PTPRT: variants seen among roughly 807,000 people sequenced by gnomAD.
PTPRT encodes the protein receptor-type tyrosine-protein phosphatase T.
Under a neutral mutation model 176.8 loss-of-function variants are expected in PTPRT, and 56 were observed. That is an observed-to-expected ratio of 0.32 (90% confidence interval 0.26 to 0.40). PTPRT has a LOEUF of 0.40. Ranked by LOEUF, PTPRT falls within the 10% of genes least tolerant of loss-of-function variation. The probability of loss-of-function intolerance (pLI) is 1.00; values close to 1 mark genes in which losing one functional copy is unlikely to be tolerated. For synonymous variants in PTPRT, 783 were observed against 739.0 expected (o/e 1.06, Z -0.96); for missense variants, 1,540 against 1,908.2 (o/e 0.81, Z 3.60).
chr20:42,916,564 A>G (rs559225016), intron 1 of PTPRT, among the ~76,000 whole-genome samples: 1 of 152,342 alleles, frequency 6.6e-6, no homozygotes, highest in South Asian at 2.1e-4. Context: ...TGGTTAAACT[A>G]GTTTACAGTC....
At chr20:42,802,820 T>C (rs2145589876) in intron 2 of PTPRT, among the ~76,000 whole-genome samples, 1 of 152,348 alleles carries the variant, frequency 6.6e-6, no homozygotes, top group Middle Eastern at 3.4e-3. Context: ...CCCAGCTCTG[T>C]CAGCTCTCAG....
At chr20:43,046,006 A>C (rs753837383) in intron 1 of PTPRT, among the ~76,000 whole-genome samples, 6 of 152,160 alleles carry the variant, frequency 3.9e-5, no homozygotes, top group Admixed American at 1.3e-4. Context: ...AGTGAATGCA[A>C]AGGCCAAGAA....
At chr20:42,102,657 G>C (rs1986059678) in intron 25 of PTPRT, among the ~76,000 whole-genome samples, 1 of 152,192 alleles carries the variant, frequency 6.6e-6, no homozygotes, top group African/African-American at 2.4e-5. Context: ...AGAGGGGTGG[G>C]GGTAGGGAAT....
At chr20:42,113,184 AG>A (rs1987096486) in intron 22 of PTPRT, among the ~76,000 whole-genome samples, 1 of 152,198 alleles carries the variant, frequency 6.6e-6, no homozygotes, top group South Asian at 2.1e-4. Flanking sequence ...GGGTCTTTTA[AG>A]GGCATCTCCC....
chr20:42,708,144 T>A (rs2076089094), intron 6 of PTPRT, among the ~76,000 whole-genome samples: 1 of 152,214 alleles, frequency 6.6e-6, no homozygotes, highest in Admixed American at 6.5e-5. Context: ...TCTCTTCTGA[T>A]GGTATCTATG....
chr20:42,462,684 T>C (rs2071040519), intron 8 of PTPRT, among the ~76,000 whole-genome samples: 1 of 152,174 alleles, frequency 6.6e-6, no homozygotes, highest in Non-Finnish European at 1.5e-5. Flanking sequence ...AAGTGGCCTT[T>C]TGCCCAGGGC....
chr20:42,993,560 A>ATG lies in PTPRT; in HGVS notation c.89-107630_89-107629dup, dbSNP rs1404968167. 6.4e-5 allele frequency among the ~76,000 whole-genome samples: 9 copies of ATG among 140,006 alleles called. 1 individual carries two copies. Among genetic ancestry groups the ATG allele is most frequent in the Non-Finnish European group, 7.6e-5 (5 of 65,780 alleles). The allele number at this position is 140,006 out of a possible 152,430, so 91.8% of individuals were successfully genotyped here. A position where few individuals can be genotyped will look rare whatever the true frequency, so the allele number is the denominator to read the frequency against. ...TGTGTGTGTATATATATACACATATATGTGTGTGTATATATATACAATCTG... is the reference window on the plus strand; with the variant it reads ...TGTGTGTGTATATATATACACATATATGTGTGTGTGTATATATATACAATCTG... On this transcript the variant is annotated intron_variant, in intron 1 of 30. Transcript: ENST00000373187.
chr20:42,499,488 C>T (rs1395369692), intron 7 of PTPRT, among the ~76,000 whole-genome samples: 1 of 151,988 alleles, frequency 6.6e-6, no homozygotes, highest in Admixed American at 6.6e-5. Context: ...GACGCAGTTT[C>T]ACCATGTTGG....
At chr20:42,651,612 A>T (rs1014758868) in intron 7 of PTPRT, among the ~76,000 whole-genome samples, 1 of 152,106 alleles carries the variant, frequency 6.6e-6, no homozygotes, top group African/African-American at 2.4e-5. Context: ...GAACATTACT[A>T]ATGATATTCA....
chr20:42,314,520 C>A (rs2057685731), intron 12 of PTPRT, among the ~76,000 whole-genome samples: 2 of 102,856 alleles, frequency 1.9e-5, no homozygotes, highest in South Asian at 6.2e-4. Flanking sequence ...CAGAGTGAGA[C>A]TGTGTCAAAA....
chr20:42,833,559 G>C (rs1430827558), intron 2 of PTPRT, among the ~76,000 whole-genome samples: 1 of 151,674 alleles, frequency 6.6e-6, no homozygotes, highest in Admixed American at 6.6e-5. Flanking sequence ...CTCCACACTA[G>C]ATGACAAAGC....
At chr20:42,476,867 C>T (rs2071299279) in intron 7 of PTPRT, among the ~76,000 whole-genome samples, 1 of 152,174 alleles carries the variant, frequency 6.6e-6, no homozygotes, top group South Asian at 2.1e-4. Context: ...GGCCGAGCCC[C>T]CATTCTCTGG....
chr20:42,124,907 C>A (rs1428070362), intron 19 of PTPRT, among the ~76,000 whole-genome samples: 1 of 152,094 alleles, frequency 6.6e-6, no homozygotes. Flanking sequence ...GCGCCATGGG[C>A]TCCTATTCTT....
intron 16 of PTPRT, among the ~76,000 whole-genome samples, chr20:42,183,545 T>C (rs1990608808): frequency 6.6e-6 from 1 of 152,234 alleles, no homozygotes; most frequent in African/African-American, 2.4e-5. Context: ...ATTATCACGC[T>C]AATCCAAGTG....
chr20:42,094,535 G>T lies in PTPRT; in HGVS notation c.3846+3886C>A, dbSNP rs190589343. 1.6e-3 allele frequency among the ~76,000 whole-genome samples: 241 copies of T among 152,088 alleles called. 1 individual carries two copies. Among genetic ancestry groups the T allele is most frequent in the Non-Finnish European group, 2.8e-3 (188 of 67,974 alleles). ...TCTCCTGGGCTCAAGTGATCCTCCT[G>T]CCTCAGCCTCCCAAGTAGCTAGGAT... On this transcript the variant is annotated intron_variant, in intron 27 of 30. Transcript: ENST00000373187.
chr20:42,200,665 T>C (rs558034003), intron 15 of PTPRT, among the ~76,000 whole-genome samples: 1 of 152,358 alleles, frequency 6.6e-6, no homozygotes, highest in South Asian at 2.1e-4. Context: ...TCCTCTTGCA[T>C]ATAAGAGTTA....
At chr20:42,154,464 A>G (rs1213541947) in intron 17 of PTPRT, among the ~76,000 whole-genome samples, 3 of 152,214 alleles carry the variant, frequency 2.0e-5, no homozygotes, top group Non-Finnish European at 4.4e-5. Flanking sequence ...AAAGCCATAC[A>G]TATGGTGTGT....
chr20:42,994,049 A>G (rs1984096711), intron 1 of PTPRT, among the ~76,000 whole-genome samples: 1 of 152,122 alleles, frequency 6.6e-6, no homozygotes, highest in South Asian at 2.1e-4. Flanking sequence ...AACTTTTGGG[A>G]TGTTATTCTT....
intron 11 of PTPRT, 101 bp from the exon 12 acceptor site, chr20:42,316,097 T>C (rs926536153): frequency 1.3e-5 from 17 of 1,352,144 alleles, no homozygotes; most frequent in Middle Eastern, 2.5e-4. Context: ...TGTGGAAGCA[T>C]TGGTTCGGTC....
Sources: allele counts gnomAD v4.1 joint callset (sites outside exome capture counted in the v4.1 genomes callset), GRCh38; gene constraint gnomAD v4.1.1; transcripts MANE v1.5; gene names NCBI Gene and HGNC (gene_info 2026-07-23, HGNC 2026-07-21).